The following DYSF variants were observed in gnomAD, a reference collection of about 807,000 sequenced individuals.
DYSF encodes the protein dystrophy-associated fer-1-like 1.
In DYSF, 212 loss-of-function variants were observed where a neutral mutation model predicts 274.9. The observed-to-expected ratio is 0.77, with a 90% confidence interval of 0.69 to 0.86. DYSF has a LOEUF of 0.86. DYSF is among the 40% of genes least tolerant of loss of function. The probability of loss-of-function intolerance (pLI) is 0.00; values close to 1 mark genes in which losing one functional copy is unlikely to be tolerated. For missense variants in DYSF, 2,666 were observed against 2,783.2 expected (o/e 0.96, Z 0.95); for synonymous variants, 1,091 against 1,078.7 (o/e 1.01, Z -0.22).
chr2:71,612,604 G>A, intron 38 of DYSF, 37 bp from the exon 39 acceptor site: 2 of 1,609,742 alleles, frequency 1.2e-6, no homozygotes, highest in South Asian at 1.1e-5. Flanking sequence ...TTCCCAGAGG[G>A]GGATTCAGGC....
chr2:71,570,193 T>A, intron 27 of DYSF, 36 bp from the exon 28 acceptor site: 2 of 1,576,590 alleles, frequency 1.3e-6, no homozygotes, highest in South Asian at 2.2e-5. Flanking sequence ...TCTGTCTGTC[T>A]CCTCTCATTG....
intron 42 of DYSF, among the ~76,000 whole-genome samples, chr2:71,649,311 A>G (rs777593920): frequency 1.3e-5 from 2 of 152,190 alleles, no homozygotes; most frequent in Non-Finnish European, 2.9e-5. Context: ...AGTATGGAAT[A>G]TAGAGTAAGG....
chr2:71,600,879 G>C, intron 34 of DYSF, 37 bp downstream of exon 34: 8 of 1,603,200 alleles, frequency 5.0e-6, no homozygotes, highest in Non-Finnish European at 6.8e-6. Context: ...GGAGGCCCAG[G>C]CAGGAGTGGG....
chr2:71,602,944 T>G, intron 36 of DYSF, 139 bp downstream of exon 36: 5 of 1,023,198 alleles, frequency 4.9e-6, no homozygotes, highest in East Asian at 2.6e-5. Context: ...CTGGATTTTA[T>G]TCCCCATGCT....
rs368233164 is a variant in DYSF, at chr2:71,553,202, C to T, written c.1984+14C>T. 28 of 1,613,878 alleles carry T rather than the reference C, an allele frequency of 1.7e-5. No individual in the cohort carries two copies. The East Asian group carries it at 2.2e-4, about 13-fold the overall frequency. ...CAGTCTTTGACGGTGAGGCAGTGCT[C>T]CTGGCTGGGACCCCGATCACAGGAT... On this transcript the variant is annotated intron_variant, in intron 20 of 55. Transcript: ENST00000410020.
intron 40 of DYSF, among the ~76,000 whole-genome samples, chr2:71,619,798 T>G (rs759295950): frequency 5.3e-5 from 8 of 152,162 alleles, no homozygotes; most frequent in Non-Finnish European, 1.2e-4. Context: ...CCCCATCCCC[T>G]TATCCTAGAG....
intron 17 of DYSF, among the ~76,000 whole-genome samples, chr2:71,549,678 T>G (rs1388260366): frequency 1.5e-5 from 2 of 132,984 alleles, no homozygotes; most frequent in Non-Finnish European, 1.6e-5. Context: ...TGTCTGGTAG[T>G]GAGGGGTAGG....
At chr2:71,587,858 C>T (rs2093124459) in intron 30 of DYSF, among the ~76,000 whole-genome samples, 2 of 152,158 alleles carry the variant, frequency 1.3e-5, no homozygotes, top group African/African-American at 4.8e-5. Context: ...AGAGCCCACC[C>T]AGGGATAGCA....
chr2:71,669,563 A>C, intron 50 of DYSF, 42 bp from the exon 51 acceptor site: 1 of 1,613,706 alleles, frequency 6.2e-7, no homozygotes, highest in East Asian at 2.2e-5. Context: ...ACTGTGTTGG[A>C]AATCTTAATG....
In DYSF at chr2:71,471,019, C is replaced by T. The variant is rs556526438; in HGVS notation, c.91+4086C>T. Among the ~76,000 whole-genome samples the T allele has an allele frequency of 2.6e-5, 4 of 152,216 alleles. No individual in the cohort carries two copies. The South Asian group carries it at 8.3e-4, about 32-fold the overall frequency. On this transcript the variant is annotated intron_variant, in intron 1 of 55. Coordinates refer to ENST00000410020, the MANE Select transcript of DYSF (RefSeq NM_001130987.2). ...CCATGTTGCCCAGGCTGGTCTCAAA[C>T]TCCTGACATCAGTCAATCCACCCAC... is the stretch of plus-strand genomic sequence containing the variant.
Position 71,615,072 on chromosome 2 carries a change from G to A in DYSF, c.4464+1662G>A, listed in dbSNP as rs113863191. 1.2e-3 allele frequency among the ~76,000 whole-genome samples: 177 copies of A among 152,248 alleles called. No homozygotes were observed. Among genetic ancestry groups the A allele is most frequent in the African/African-American group, 4.2e-3 (175 of 41,522 alleles). On this transcript the variant is annotated intron_variant, in intron 40 of 55. Transcript: ENST00000410020. The surrounding 1 kb of genome is among the most constrained non-coding windows in gnomAD (Gnocchi z 4.9). ...GCCCAGCAGGATTTCCGTTCTGTGT[G>A]TGCTGCCCTCAAAATGTCTACACAC... is the stretch of plus-strand genomic sequence containing the variant.
intron 36 of DYSF, among the ~76,000 whole-genome samples, chr2:71,603,768 G>A (rs929615511): frequency 5.9e-5 from 9 of 152,176 alleles, no homozygotes; most frequent in African/African-American, 2.2e-4. Flanking sequence ...GAAGCAGCAC[G>A]GAGCCCTCTC....
intron 51 of DYSF, among the ~76,000 whole-genome samples, chr2:71,672,457 G>A (rs577204977): frequency 5.9e-5 from 9 of 152,162 alleles, no homozygotes; most frequent in East Asian, 1.9e-4. Context: ...CGAGACTGTC[G>A]TAAAGTACAA....
At chr2:71,494,166 G>T (rs566135352) in intron 3 of DYSF, among the ~76,000 whole-genome samples, 1 of 152,160 alleles carries the variant, frequency 6.6e-6, no homozygotes, top group South Asian at 2.1e-4. Context: ...TTTTTGTTAG[G>T]GTTTTCTTAA....
chr2:71,569,770 G>A (rs1477662754), intron 26 of DYSF, 50 bp from the exon 27 acceptor site: 6 of 1,509,622 alleles, frequency 4.0e-6, no homozygotes, highest in East Asian at 4.6e-5. Context: ...TAGATGGATG[G>A]GGGCCTCTCC....
At chr2:71,626,701 A>G (rs1289481847) in intron 41 of DYSF, among the ~76,000 whole-genome samples, 3 of 151,668 alleles carry the variant, frequency 2.0e-5, no homozygotes, top group Non-Finnish European at 4.4e-5. Flanking sequence ...TTTTCATACT[A>G]TTATTTTCAG....
rs2093867842 is a variant in DYSF, at chr2:71,615,783, C to G, written c.4464+2373C>G. 1.3e-5 allele frequency among the ~76,000 whole-genome samples: 2 copies of G among 152,170 alleles called. No individual in the cohort carries two copies. The highest frequency in any genetic ancestry group is 1.3e-4 in the Admixed American group (2 of 15,284). ...CCCAGTGCAGATAGCATGAAGGGCC[C>G]TGGCTTCTGGGGACAGGAGGGACGA... On this transcript the variant is annotated intron_variant, in intron 40 of 55. Transcript: ENST00000410020. The surrounding 1 kb of genome is among the most constrained non-coding windows in gnomAD (Gnocchi z 4.9).
At chr2:71,642,163 G>A (rs996182901) in intron 41 of DYSF, among the ~76,000 whole-genome samples, 1 of 152,138 alleles carries the variant, frequency 6.6e-6, no homozygotes, top group Non-Finnish European at 1.5e-5. Flanking sequence ...CTGACTCTGA[G>A]CCTGAGTTAT....
At chr2:71,519,993 A>G (rs1054669769) in intron 10 of DYSF, among the ~76,000 whole-genome samples, 185 bp from the exon 11 acceptor site, 1 of 152,104 alleles carries the variant, frequency 6.6e-6, no homozygotes, top group African/African-American at 2.4e-5. Flanking sequence ...GTACATAAGC[A>G]TTCTTTATCA....
Sources: gnomAD v4.1 joint callset for allele counts (sites outside exome capture counted in the v4.1 genomes callset) on GRCh38, gnomAD v4.1.1 for gene constraint, Gnocchi (gnomAD v3.1) non-coding constraint, MANE v1.5 for transcripts, NCBI Gene and HGNC (gene_info 2026-07-23, HGNC 2026-07-21) for gene names.